Variants in PYGB observed in about 807,000 individuals in gnomAD.
PYGB encodes the protein glycogen phosphorylase, brain form.
A neutral mutation model predicts 94.3 loss-of-function variants in PYGB; 82 were observed. That is an observed-to-expected ratio of 0.87 (90% CI 0.73 to 1.04). The LOEUF is 1.04. Among genes scored for constraint, PYGB ranks in the 50% least tolerant of loss-of-function variants. PYGB has a pLI of 0.00. For synonymous variants in PYGB, 488 were observed against 479.1 expected, an observed-to-expected ratio of 1.02 and a Z score of -0.24; for missense variants, 1,132 against 1,158.2, an observed-to-expected ratio of 0.98 and a Z score of 0.33.
At chr20:25,263,353 C>T (rs184760334) in intron 2 of PYGB, among the ~76,000 whole-genome samples, 2 of 152,220 alleles carry the variant, frequency 1.3e-5, no homozygotes, top group Non-Finnish European at 2.9e-5. Flanking sequence ...GAACAACCTG[C>T]TCCTGAATAA....
At position 25,292,607 on chromosome 20, in the gene PYGB, G is replaced by A. The variant is rs773825393; in HGVS notation, c.2171G>A (p.Arg724Gln). 9.3e-6 allele frequency: 15 copies of A among 1,611,164 alleles called. No homozygotes were observed. The highest frequency in any genetic ancestry group is 3.3e-4 in the Middle Eastern group (2 of 6,082). The change falls in exon 17 of 20, where the codon CGG becomes CAG. Residue 724 changes from arginine (R) to glutamine (Q), a missense_variant. Coordinates refer to ENST00000216962, the MANE Select transcript of PYGB (RefSeq NM_002862.4). ...GTGGAGGATGTCGAGGCCTTGGACCGGAAAGGGTGCGAGCCTGTGCCCCTG... is the reference window on the plus strand; with the variant it reads ...GTGGAGGATGTCGAGGCCTTGGACCAGAAAGGGTGCGAGCCTGTGCCCCTG... Reference protein sequence around the residue: ...LRVEDVEALDRKGYNAREYYD... With the variant: ...LRVEDVEALDQKGYNAREYYD...
chr20:25,286,153 A>G (rs765971031), intron 14 of PYGB, among the ~76,000 whole-genome samples: 1 of 152,196 alleles, frequency 6.6e-6, no homozygotes, highest in Non-Finnish European at 1.5e-5. Context: ...CATTTTCGCC[A>G]ATACTCCGGG....
chr20:25,268,995 T>C, intron 2 of PYGB, 134 bp from the exon 3 acceptor site: 1 of 734,786 alleles, frequency 1.4e-6, no homozygotes, highest in Non-Finnish European at 2.3e-6. Context: ...AATTTTAACA[T>C]TGAATTTTCA....
At position 25,250,149 on chromosome 20, in the gene PYGB, C is replaced by T. The variant is rs368377493; in HGVS notation, c.243+1728C>T. On this transcript the variant is annotated intron_variant, in intron 1 of 19. Coordinates refer to ENST00000216962, the MANE Select transcript of PYGB (RefSeq NM_002862.4). ...CAGGCGTGAGCCAACGCACCCGACC[C>T]GCAACATCATTTTTATTGTCTAAGT... is the stretch of plus-strand genomic sequence containing the variant. Among the ~76,000 whole-genome samples, 309 of 152,272 alleles carry T rather than the reference C, an allele frequency of 2.0e-3. 4 individuals carry two copies. In the South Asian group the frequency reaches 0.026, roughly 13 times the overall value.
intron 15 of PYGB, among the ~76,000 whole-genome samples, chr20:25,288,908 A>G (rs1361629054): frequency 1.3e-5 from 2 of 152,232 alleles, no homozygotes; most frequent in Non-Finnish European, 2.9e-5. Context: ...CCCAGGTCAC[A>G]TCGTCACACT....
chr20:25,248,400 C>G lies in PYGB; in HGVS notation c.222C>G (p.His74Gln), dbSNP rs1399374107. The G allele has an allele frequency of 2.6e-6, 4 of 1,557,600 alleles. No individual in the cohort carries two copies. Among genetic ancestry groups the G allele is most frequent in the Non-Finnish European group, 3.5e-6 (4 of 1,151,758 alleles). ...LVGRWIRTQQ[H>Q]YYERDPKRIY... Reference sequence around the variant, plus strand: ...GCCGCTGGATCCGCACGCAGCAGCACTACTACGAGCGCGACCCCAAGGTGA... The same window carrying G: ...GCCGCTGGATCCGCACGCAGCAGCAGTACTACGAGCGCGACCCCAAGGTGA... The change falls in exon 1 of 20, where the codon CAC becomes CAG. Residue 74 changes from histidine to glutamine, a missense_variant. His to Gln is a conservative substitution (Grantham distance 24). Transcript: ENST00000216962.
In PYGB at chr20:25,287,786, C is replaced by T. The variant is rs573412915; in HGVS notation, c.1769-639C>T. Among the ~76,000 whole-genome samples the T allele has an allele frequency of 5.3e-5, 8 of 152,256 alleles. No individual in the cohort carries two copies. In the South Asian group the frequency reaches 1.7e-3, roughly 32 times the overall value. On this transcript the variant is annotated intron_variant, in intron 14 of 19. Coordinates refer to ENST00000216962, the MANE Select transcript of PYGB (RefSeq NM_002862.4). Reference sequence around the variant, plus strand: ...CTTGAGCGTGGGAGTTTGAAACCAGCCTGGGCAATGTAGAGAAACCCTCAT... The same window carrying T: ...CTTGAGCGTGGGAGTTTGAAACCAGTCTGGGCAATGTAGAGAAACCCTCAT...
chr20:25,251,753 CCCCTGCAGTGGAT>C (rs2123505637), intron 1 of PYGB, among the ~76,000 whole-genome samples: 1 of 152,324 alleles, frequency 6.6e-6, no homozygotes, highest in African/African-American at 2.4e-5. Flanking sequence ...ACCTGCAGCA[CCCCTGCAGTGGAT>C]GTAACAATCA....
chr20:25,283,358 G>A (rs1263569877), intron 13 of PYGB, 81 bp downstream of exon 13: 2 of 1,266,972 alleles, frequency 1.6e-6, no homozygotes, highest in Non-Finnish European at 2.2e-6. Flanking sequence ...CCCTCCTACA[G>A]GCCCAGCACA....
Position 25,261,200 on chromosome 20 carries a change from G to A in PYGB, c.345+1862G>A, listed in dbSNP as rs533967204. On this transcript the variant is annotated intron_variant, in intron 2 of 19. Coordinates refer to ENST00000216962, the MANE Select transcript of PYGB (RefSeq NM_002862.4). ...TTCCACAAGTGGGTCCCTGACCCCCGAGTAGCCTACCTAACTGGGAGGCAC... is the reference window on the plus strand; with the variant it reads ...TTCCACAAGTGGGTCCCTGACCCCCAAGTAGCCTACCTAACTGGGAGGCAC... 1.4e-4 allele frequency among the ~76,000 whole-genome samples: 22 copies of A among 152,332 alleles called. No individual in the cohort carries two copies. The East Asian group carries it at 3.7e-3, about 25-fold the overall frequency.
chr20:25,270,006 G>A (rs1278665247), intron 3 of PYGB, among the ~76,000 whole-genome samples: 1 of 152,076 alleles, frequency 6.6e-6, no homozygotes, highest in African/African-American at 2.4e-5. Flanking sequence ...CACTGAGCCC[G>A]CCATGGCTTG....
chr20:25,259,569 A>T (rs2092909245), intron 2 of PYGB, among the ~76,000 whole-genome samples: 1 of 152,178 alleles, frequency 6.6e-6, no homozygotes. Flanking sequence ...TTGAATTGGG[A>T]TGCGAAGGTG....
intron 14 of PYGB, among the ~76,000 whole-genome samples, chr20:25,285,887 T>C (rs577233429): frequency 1.3e-5 from 2 of 152,324 alleles, no homozygotes; most frequent in African/African-American, 4.8e-5. Context: ...ACTTTGTGTC[T>C]AGTTCATGAC....
At chr20:25,294,133 T>C (rs199920004) in intron 17 of PYGB, 25 bp from the exon 18 acceptor site, 3 of 1,611,514 alleles carry the variant, frequency 1.9e-6, no homozygotes, top group African/African-American at 1.3e-5. Context: ...CGCTGGCTGC[T>C]GACTCCTGGC....
Position 25,296,372 on chromosome 20 carries a change from C to T in PYGB, c.2382C>T (p.Asn794=), listed in dbSNP as rs201489693. The T allele has an allele frequency of 5.0e-6, 8 of 1,614,050 alleles. No individual in the cohort carries two copies. The East Asian group carries it at 1.6e-4, about 31-fold the overall frequency. ...TAATTTCATCTCCTTCCCTGCAGAA[C>T]CCCAAGGAGTGGACCAAGAAGGTCA... The part of the protein sequence containing the change: ...CQAQVDQLYR[N]PKEWTKKVIR... Residue 794 remains asparagine, a splice_region_variant and synonymous_variant, in exon 20 of 20, where the codon AAC becomes AAT. Coordinates refer to ENST00000216962, the MANE Select transcript of PYGB (RefSeq NM_002862.4).
At chr20:25,264,639 AAC>A (rs1388119120) in intron 2 of PYGB, among the ~76,000 whole-genome samples, 5 of 152,194 alleles carry the variant, frequency 3.3e-5, no homozygotes, top group African/African-American at 1.2e-4. Flanking sequence ...TAAACAGACA[AAC>A]AGAGGGCCAA....
At chr20:25,276,539 G>T in intron 5 of PYGB, 107 bp from the exon 6 acceptor site, 1 of 849,126 alleles carries the variant, frequency 1.2e-6, no homozygotes, top group East Asian at 2.6e-5. Flanking sequence ...AGACGGTGGG[G>T]GGCCAGCAGG....
chr20:25,280,841 AGCAGAGC>A (rs1850964184), intron 10 of PYGB, 101 bp from the exon 11 acceptor site: 1 of 1,411,364 alleles, frequency 7.1e-7, no homozygotes, highest in Admixed American at 1.9e-5. Flanking sequence ...CCCTGGAGGC[AGCAGAGC>A]TTCCCATGGG....
At chr20:25,289,499 A>G (rs2088446680) in intron 15 of PYGB, among the ~76,000 whole-genome samples, 1 of 152,146 alleles carries the variant, frequency 6.6e-6, no homozygotes, top group Non-Finnish European at 1.5e-5. Context: ...TGCAAAAATT[A>G]GCTGGGCGTG....
Sources: allele counts gnomAD v4.1 joint callset (sites outside exome capture counted in the v4.1 genomes callset), GRCh38; gene constraint gnomAD v4.1.1; transcripts MANE v1.5; gene names NCBI Gene and HGNC (gene_info 2026-07-23, HGNC 2026-07-21).